TBC1D32: variants seen among roughly 807,000 people sequenced by gnomAD.
TBC1D32 encodes TBC1 domain family member 32, also known as protein broad-minded.
TBC1D32 carries 151 observed loss-of-function variants against 170.3 expected under a neutral mutation model. The observed-to-expected ratio is 0.89, with a 90% CI of 0.78 to 1.01. TBC1D32 has a LOEUF of 1.01. Among genes scored for constraint, TBC1D32 ranks in the 50% least tolerant of loss-of-function variants. The pLI, the probability that TBC1D32 is intolerant of heterozygous loss-of-function variation, is 0.00. For synonymous variants in TBC1D32, 498 were observed against 488.0 expected, an observed-to-expected ratio of 1.02 and a Z score of -0.27; for missense variants, 1,464 against 1,457.1, an observed-to-expected ratio of 1.00 and a Z score of -0.08.
At position 121,270,374 on chromosome 6, in the gene TBC1D32, C is replaced by T. The variant is rs1024736287; in HGVS notation, c.1733+8747G>A. Among the ~76,000 whole-genome samples the T allele has an allele frequency of 2.6e-5, 4 of 151,118 alleles. No homozygotes were observed. The South Asian group carries it at 8.4e-4, about 32-fold the overall frequency. On this transcript the variant is annotated intron_variant, in intron 15 of 31. Transcript: ENST00000398212. The stretch of plus-strand genomic sequence containing the variant: ...CAAAATTGATAAACTGATAGCCAGA[C>T]TAAAAGAAAAGAGAGAAGAATCAAA...
At chr6:121,293,406 C>T (rs953062150) in intron 11 of TBC1D32, among the ~76,000 whole-genome samples, 4 of 152,122 alleles carry the variant, frequency 2.6e-5, no homozygotes, top group Admixed American at 2.0e-4. Flanking sequence ...GGTCTATCAC[C>T]ATCTCCCTTG....
At chr6:121,226,314 G>T (rs571672301) in intron 20 of TBC1D32, among the ~76,000 whole-genome samples, 1 of 152,116 alleles carries the variant, frequency 6.6e-6, no homozygotes, top group South Asian at 2.1e-4. Flanking sequence ...GAGAGCAATG[G>T]GGGGATATAA....
intron 15 of TBC1D32, among the ~76,000 whole-genome samples, chr6:121,271,234 T>C (rs947643556): frequency 6.6e-6 from 1 of 152,114 alleles, no homozygotes; most frequent in Non-Finnish European, 1.5e-5. Context: ...ACCACTCCTA[T>C]TCAACAGAGT....
intron 1 of TBC1D32, among the ~76,000 whole-genome samples, chr6:121,330,759 A>G (rs1811114717): frequency 6.6e-6 from 1 of 152,192 alleles, no homozygotes; most frequent in Admixed American, 6.5e-5. Context: ...TTTTCTAAAT[A>G]GCCCCCAGAT....
Position 121,206,017 on chromosome 6 carries a change from C to A in TBC1D32, c.2482-854G>T, listed in dbSNP as rs1217242830. Among the ~76,000 whole-genome samples, 4 of 152,186 alleles carry A rather than the reference C, an allele frequency of 2.6e-5. No homozygotes were observed. In the East Asian group the frequency reaches 7.8e-4, roughly 30 times the overall value. ...ACAAGGTCAGGAGTTCGAGACCAGC[C>A]TGGCCAACATGGTGAAACACCGTCT... On this transcript the variant is annotated intron_variant, in intron 21 of 31. Coordinates refer to ENST00000398212, the MANE Select transcript of TBC1D32 (RefSeq NM_152730.6).
intron 30 of TBC1D32, among the ~76,000 whole-genome samples, chr6:121,095,384 A>C (rs1777278741): frequency 6.6e-6 from 1 of 152,192 alleles, no homozygotes; most frequent in African/African-American, 2.4e-5. Flanking sequence ...TCTCATAAGA[A>C]CATTACATCT....
intron 26 of TBC1D32, among the ~76,000 whole-genome samples, chr6:121,121,436 C>T (rs914367509): frequency 4.0e-5 from 6 of 151,894 alleles, no homozygotes; most frequent in African/African-American, 1.4e-4. Flanking sequence ...ATCATATCAC[C>T]CTTACAGGAA....
At chr6:121,115,629 G>C (rs1582833199) in intron 26 of TBC1D32, 1 of 154,834 alleles carries the variant, frequency 6.5e-6, no homozygotes, top group Non-Finnish European at 1.4e-5. Flanking sequence ...TTTCGTTCCT[G>C]ATACTAATCT....
intron 24 of TBC1D32, among the ~76,000 whole-genome samples, chr6:121,137,673 C>T (rs1782283399): frequency 6.6e-6 from 1 of 151,476 alleles, no homozygotes; most frequent in Non-Finnish European, 1.5e-5. Context: ...TAATTATTTT[C>T]TCAGGTCATA....
chr6:121,097,317 C>T (rs1777532226), intron 30 of TBC1D32, among the ~76,000 whole-genome samples: 1 of 152,024 alleles, frequency 6.6e-6, no homozygotes. Context: ...GGGCTAATAT[C>T]CAGAATCTAC....
intron 4 of TBC1D32, among the ~76,000 whole-genome samples, chr6:121,309,321 T>C (rs1452685714): frequency 6.6e-6 from 1 of 152,168 alleles, no homozygotes; most frequent in Non-Finnish European, 1.5e-5. Flanking sequence ...AAATCATCCA[T>C]TTAAATTGAA....
intron 25 of TBC1D32, among the ~76,000 whole-genome samples, chr6:121,129,145 T>C (rs1781158845): frequency 6.6e-6 from 1 of 152,202 alleles, no homozygotes; most frequent in African/African-American, 2.4e-5. Flanking sequence ...ACCTCAAGTA[T>C]TTTGCTTTGG....
Position 121,141,817 on chromosome 6 carries a change from G to A in TBC1D32, c.2774-10065C>T, listed in dbSNP as rs188537997. On this transcript the variant is annotated intron_variant, in intron 24 of 31. Coordinates refer to ENST00000398212, the MANE Select transcript of TBC1D32 (RefSeq NM_152730.6). ...AAGTTGTAAAAAAAAAAAGTTACAG[G>A]AAAGACACAAACCTTTTTAAAAAGC... Among the ~76,000 whole-genome samples the A allele has an allele frequency of 5.3e-5, 8 of 152,168 alleles. No homozygotes were observed. The East Asian group carries it at 1.4e-3, about 26-fold the overall frequency.
intron 1 of TBC1D32, among the ~76,000 whole-genome samples, chr6:121,332,916 G>A (rs1811392654): frequency 6.6e-6 from 1 of 152,034 alleles, no homozygotes; most frequent in Non-Finnish European, 1.5e-5. Flanking sequence ...AAGTATAATC[G>A]TAAATACCAA....
intron 17 of TBC1D32, among the ~76,000 whole-genome samples, chr6:121,248,320 G>A (rs1797883752): frequency 6.6e-6 from 1 of 152,018 alleles, no homozygotes; most frequent in Non-Finnish European, 1.5e-5. Flanking sequence ...CAAAAGCAGT[G>A]TTAAAAGGAA....
At chr6:121,168,957 T>C (rs1159645378) in intron 22 of TBC1D32, among the ~76,000 whole-genome samples, 2 of 152,042 alleles carry the variant, frequency 1.3e-5, no homozygotes, top group Non-Finnish European at 2.9e-5. Context: ...TGCTCATGAA[T>C]AGGAAGAATC....
At chr6:121,211,723 G>A (rs1793089141) in intron 21 of TBC1D32, among the ~76,000 whole-genome samples, 1 of 152,010 alleles carries the variant, frequency 6.6e-6, no homozygotes, top group African/African-American at 2.4e-5. Flanking sequence ...TGATTACCCA[G>A]CCCCATACAA....
intron 30 of TBC1D32, among the ~76,000 whole-genome samples, chr6:121,100,999 A>T (rs1040418860): frequency 3.3e-5 from 5 of 152,152 alleles, no homozygotes; most frequent in African/African-American, 7.2e-5. Context: ...GAAATGGATA[A>T]ATTCCTGGAC....
intron 5 of TBC1D32, 128 bp downstream of exon 5, chr6:121,307,848 G>T: frequency 9.4e-7 from 1 of 1,059,986 alleles, no homozygotes; most frequent in Non-Finnish European, 1.3e-6. Flanking sequence ...GGCAAAAAGA[G>T]TGAAACTCGG....
Sources: gnomAD v4.1 joint callset for allele counts (sites outside exome capture counted in the v4.1 genomes callset) on GRCh38, gnomAD v4.1.1 for gene constraint, MANE v1.5 for transcripts, NCBI Gene and HGNC (gene_info 2026-07-23, HGNC 2026-07-21) for gene names.